Variants in CNTN4 observed in about 807,000 individuals in gnomAD.
CNTN4 encodes the protein contactin 4.
CNTN4 carries 77 observed loss-of-function variants against 122.5 expected under a neutral mutation model. That is an observed-to-expected ratio of 0.63 (90% CI 0.52 to 0.76). The LOEUF is 0.76. CNTN4 is among the 30% of genes least tolerant of loss of function. The pLI, the probability that CNTN4 is intolerant of heterozygous loss-of-function variation, is 0.00. For synonymous variants in CNTN4, 512 were observed against 447.0 expected (o/e 1.15, Z -1.83); for missense variants, 1,256 against 1,259.1 (o/e 1.00, Z 0.04).
chr3:2,300,770 C>T (rs998441609), intron 2 of CNTN4, among the ~76,000 whole-genome samples: 4 of 151,776 alleles, frequency 2.6e-5, no homozygotes, highest in Admixed American at 2.0e-4. Context: ...GGGGTTTCAC[C>T]ATGTTGGCCA....
intron 4 of CNTN4, among the ~76,000 whole-genome samples, chr3:2,590,414 G>A (rs572104234): frequency 2.6e-5 from 4 of 151,970 alleles, no homozygotes; most frequent in South Asian, 2.1e-4. Flanking sequence ...ATGCCATCAC[G>A]TCCAGCTAAT....
intron 4 of CNTN4, among the ~76,000 whole-genome samples, chr3:2,592,320 A>C (rs900326968): frequency 6.6e-6 from 1 of 152,230 alleles, no homozygotes; most frequent in Non-Finnish European, 1.5e-5. Context: ...GATTTATATC[A>C]TTGCAAATAA....
intron 7 of CNTN4, among the ~76,000 whole-genome samples, chr3:2,828,741 C>T (rs1001385494): frequency 1.8e-4 from 27 of 151,910 alleles, no homozygotes; most frequent in African/African-American, 6.0e-4. Flanking sequence ...ATTAAATATT[C>T]TTCTGTTTGT....
At position 2,709,879 on chromosome 3, in the gene CNTN4, G is replaced by A. The variant is rs1404266417; in HGVS notation, c.56-26336G>A. On this transcript the variant is annotated intron_variant, in intron 4 of 24. Transcript: ENST00000418658. This position sits in a 1 kb window ranked among gnomAD's most constrained non-coding sequence, Gnocchi z 5.0. ...TGCGCCACTGCACTCCAGCCTGGGT[G>A]ACAGGGCAAGACCCTGTCTCAAACA... Among the ~76,000 whole-genome samples, 1 of 151,916 alleles carries A rather than the reference G, an allele frequency of 6.6e-6. No individual in the cohort carries two copies. Among genetic ancestry groups the A allele is most frequent in the Non-Finnish European group, 1.5e-5 (1 of 67,992 alleles).
At chr3:2,443,161 A>G (rs9817465) in intron 3 of CNTN4, among the ~76,000 whole-genome samples, 4,090 of 151,330 alleles carry the variant, frequency 0.027, 196 homozygotes, top group African/African-American at 0.088. Flanking sequence ...AAAAAAAAAA[A>G]AAGAAGAAAA....
At chr3:2,985,465 A>G (rs1258851459) in intron 13 of CNTN4, 1 of 152,684 alleles carries the variant, frequency 6.5e-6, no homozygotes, top group East Asian at 1.9e-4. Context: ...ACTTTGAAAA[A>G]CTTGTTTTCC....
intron 4 of CNTN4, among the ~76,000 whole-genome samples, chr3:2,723,733 C>T (rs2088016112): frequency 6.6e-6 from 1 of 152,166 alleles, no homozygotes; most frequent in African/African-American, 2.4e-5. Context: ...GAAGGGGGCA[C>T]ACACATTCAA....
At chr3:2,260,025 T>A (rs926715177) in intron 2 of CNTN4, among the ~76,000 whole-genome samples, 21 of 152,206 alleles carry the variant, frequency 1.4e-4, no homozygotes, top group African/African-American at 4.6e-4. Flanking sequence ...TGGAATTTTG[T>A]ATTGTTTTAT....
intron 16 of CNTN4, among the ~76,000 whole-genome samples, chr3:3,031,395 G>A (rs953686405): frequency 6.6e-6 from 1 of 152,140 alleles, no homozygotes; most frequent in African/African-American, 2.4e-5. Flanking sequence ...GTCATCATCA[G>A]GTTTATCCGA....
chr3:3,043,829 C>A, intron 23 of CNTN4, 125 bp downstream of exon 23: 1 of 725,428 alleles, frequency 1.4e-6, no homozygotes, highest in Non-Finnish European at 2.5e-6. Context: ...CTCTAGGAAT[C>A]GCTGCCTCCA....
At chr3:2,384,050 C>G (rs1435876395) in intron 3 of CNTN4, among the ~76,000 whole-genome samples, 5 of 152,100 alleles carry the variant, frequency 3.3e-5, no homozygotes, top group Admixed American at 6.6e-5. Flanking sequence ...ATTATATTCT[C>G]TGAAGTTGGC....
chr3:2,145,404 T>C (rs62246965), intron 2 of CNTN4, among the ~76,000 whole-genome samples: 33,280 of 152,194 alleles, frequency 0.22, 4,617 homozygotes, highest in Admixed American at 0.32. Context: ...CTCCACTCCC[T>C]GTGCTACCAC....
intron 2 of CNTN4, among the ~76,000 whole-genome samples, chr3:2,186,965 A>C (rs187801889): frequency 0.034 from 5,220 of 152,062 alleles, 283 homozygotes; most frequent in African/African-American, 0.12. Context: ...CTTTTGTTGC[A>C]ATTGCTTTTG....
At chr3:2,544,542 T>C (rs1293542451) in intron 3 of CNTN4, among the ~76,000 whole-genome samples, 1 of 152,114 alleles carries the variant, frequency 6.6e-6, no homozygotes, top group Non-Finnish European at 1.5e-5. Context: ...TCAAGAAACT[T>C]ATAATTGGGA....
intron 3 of CNTN4, among the ~76,000 whole-genome samples, chr3:2,426,381 C>T (rs1288240837): frequency 1.4e-4 from 21 of 151,962 alleles, no homozygotes; most frequent in Admixed American, 1.0e-3. Flanking sequence ...TATTGATTTT[C>T]GTTATGTTGA....
chr3:2,257,841 A>G lies in CNTN4; in HGVS notation c.-144-81337A>G, dbSNP rs1017192214. ...CACCTTGGGAGGCCGAGGTGGGCCGATCACGAGGTCAGGAGTTGGATATCA... is the reference window on the plus strand; with the variant it reads ...CACCTTGGGAGGCCGAGGTGGGCCGGTCACGAGGTCAGGAGTTGGATATCA... On this transcript the variant is annotated intron_variant, in intron 2 of 24. Transcript: ENST00000418658. Among the ~76,000 whole-genome samples, 3 of 152,220 alleles carry G rather than the reference A, an allele frequency of 2.0e-5. No individual in the cohort carries two copies. In the South Asian group the frequency reaches 6.2e-4, roughly 32 times the overall value.
intron 3 of CNTN4, among the ~76,000 whole-genome samples, chr3:2,379,852 C>A (rs191162905): frequency 6.6e-6 from 1 of 151,842 alleles, no homozygotes; most frequent in Admixed American, 6.6e-5. Context: ...GTGGGGAGTT[C>A]GAGACCAACC....
intron 6 of CNTN4, among the ~76,000 whole-genome samples, chr3:2,754,067 C>T (rs1032289067): frequency 1.6e-4 from 24 of 152,180 alleles, no homozygotes; most frequent in Non-Finnish European, 3.4e-4. Context: ...TATCCCCAAG[C>T]AGTAAATGAA....
intron 2 of CNTN4, among the ~76,000 whole-genome samples, chr3:2,125,473 A>G (rs1226481533): frequency 6.6e-6 from 1 of 151,966 alleles, no homozygotes; most frequent in Non-Finnish European, 1.5e-5. Flanking sequence ...GAGTGCAGAT[A>G]TCACTTCTAG....
Sources: gnomAD v4.1 joint callset for allele counts (sites outside exome capture counted in the v4.1 genomes callset) on GRCh38, gnomAD v4.1.1 for gene constraint, Gnocchi (gnomAD v3.1) non-coding constraint, MANE v1.5 for transcripts, NCBI Gene and HGNC (gene_info 2026-07-23, HGNC 2026-07-21) for gene names.